The following SART3 variants were observed in gnomAD, a reference collection of about 807,000 sequenced individuals.
The protein encoded by SART3 is spliceosome associated factor 3, U4/U6 recycling protein.
A neutral mutation model predicts 122.3 loss-of-function variants in SART3; 44 were observed. That is an observed-to-expected ratio of 0.36 (90% CI 0.28 to 0.46). The LOEUF (loss-of-function observed/expected upper bound fraction) is 0.46, where lower values mean the gene tolerates loss of function less well. SART3 is among the 20% of genes least tolerant of loss of function. SART3 has a pLI of 1.00. For synonymous variants in SART3, 442 were observed against 454.0 expected (o/e 0.97, Z 0.34); for missense variants, 1,101 against 1,229.0 (o/e 0.90, Z 1.56).
chr12:108,560,384 T>TCAC (rs1490361526), intron 1 of SART3: 1 of 215,408 alleles, frequency 4.6e-6, no homozygotes, highest in African/African-American at 2.3e-5. Flanking sequence ...ATTTCTATTA[T>TCAC]CACCATCGCG....
intron 1 of SART3, among the ~76,000 whole-genome samples, chr12:108,552,192 C>A (rs184223915): frequency 6.6e-6 from 1 of 152,174 alleles, no homozygotes; most frequent in East Asian, 1.9e-4. Context: ...GGGAAACAAC[C>A]TCAACCTGAT....
At chr12:108,560,672 G>A (rs2030481106) in intron 1 of SART3, 171 bp downstream of exon 1, 1 of 571,890 alleles carries the variant, frequency 1.7e-6, no homozygotes, top group Non-Finnish European at 3.1e-6. Context: ...ACGTTTGCAA[G>A]GCAATGGGCA....
intron 12 of SART3, among the ~76,000 whole-genome samples, chr12:108,534,745 CAG>C (rs1394704705): frequency 6.6e-6 from 1 of 152,138 alleles, no homozygotes; most frequent in Admixed American, 6.5e-5. Context: ...TTTGGGCACA[CAG>C]TGTTTTTTAA....
chr12:108,535,336 C>G (rs1416122202), intron 12 of SART3, 23 bp downstream of exon 12: 2 of 1,594,568 alleles, frequency 1.3e-6, no homozygotes, highest in Non-Finnish European at 1.7e-6. Context: ...CACTGCCTCC[C>G]TCCCCACCCC....
intron 1 of SART3, among the ~76,000 whole-genome samples, chr12:108,555,908 G>A (rs1484304646): frequency 6.6e-6 from 1 of 152,202 alleles, no homozygotes; most frequent in African/African-American, 2.4e-5. Context: ...TGTCTTACCA[G>A]ATAGCAAGCC....
chr12:108,523,242 G>A lies in SART3; in HGVS notation c.*215C>T. The A allele has an allele frequency of 1.6e-6, 1 of 611,880 alleles. No homozygotes were observed. The highest frequency in any genetic ancestry group is 1.9e-5 in the South Asian group (1 of 52,262). The allele number at this position is 611,880 out of a possible 1,614,324, so 37.9% of individuals were successfully genotyped here. ...CACCACATCCTGGGCCCAGCCTGCAGAGTGGTCACTTTTCTGCCACTGCCC... is the reference window on the plus strand; with the variant it reads ...CACCACATCCTGGGCCCAGCCTGCAAAGTGGTCACTTTTCTGCCACTGCCC... On this transcript the variant is annotated 3_prime_UTR_variant, in exon 19 of 19. Coordinates refer to ENST00000546815, the MANE Select transcript of SART3 (RefSeq NM_014706.4).
At chr12:108,547,304 T>G (rs1873470852) in intron 3 of SART3, among the ~76,000 whole-genome samples, 1 of 152,248 alleles carries the variant, frequency 6.6e-6, no homozygotes, top group Non-Finnish European at 1.5e-5. Context: ...GAGGGAGGTC[T>G]CTGTGGGGAC....
Position 108,541,328 on chromosome 12 carries a change from A to T in SART3, c.906+1700T>A, listed in dbSNP as rs1873147197. Among the ~76,000 whole-genome samples the T allele has an allele frequency of 2.6e-5, 4 of 151,720 alleles. No individual in the cohort carries two copies. The South Asian group carries it at 8.4e-4, about 32-fold the overall frequency. ...AGGCTGAGGCAGGAGAATCGCTTGAACCTGGCGGGGCGGAAGTTGCAGTGA... is the reference window on the plus strand; with the variant it reads ...AGGCTGAGGCAGGAGAATCGCTTGATCCTGGCGGGGCGGAAGTTGCAGTGA... On this transcript the variant is annotated intron_variant, in intron 6 of 18. Transcript: ENST00000546815.
At chr12:108,548,774 C>T (rs4964265) in intron 2 of SART3, among the ~76,000 whole-genome samples, 112,812 of 152,142 alleles carry the variant, frequency 0.74, 43,707 homozygotes, top group East Asian at 0.92. Context: ...TTTCTGGTTT[C>T]AAGAGAATGG....
intron 18 of SART3, 112 bp downstream of exon 18, chr12:108,524,203 TG>T (rs1872260229): frequency 2.1e-6 from 2 of 935,924 alleles, no homozygotes; most frequent in Non-Finnish European, 3.5e-6. Context: ...CAGCACATCT[TG>T]GCTTTTCTGT....
Position 108,530,320 on chromosome 12 carries a change from TG to T in SART3, c.1747-11del, listed in dbSNP as rs764553585. 62 of 1,613,706 alleles carry T rather than the reference TG, an allele frequency of 3.8e-5. No homozygotes were observed. Among genetic ancestry groups the T allele is most frequent in the Admixed American group, 2.8e-4 (17 of 59,994 alleles). On this transcript the variant is annotated splice_polypyrimidine_tract_variant and intron_variant, in intron 14 of 18. Transcript: ENST00000546815. Reference sequence around the variant, plus strand: ...CTTCCTTCTCTGCAGCCTAGAAAAGTGGGAAGATGATGCATCGCTGGATGTG... The same window carrying T: ...CTTCCTTCTCTGCAGCCTAGAAAAGTGGAAGATGATGCATCGCTGGATGTG...
chr12:108,527,418 C>T (rs914437997), intron 15 of SART3, among the ~76,000 whole-genome samples: 29 of 152,228 alleles, frequency 1.9e-4, no homozygotes, highest in Admixed American at 1.8e-3. Context: ...TCGGTCTTCC[C>T]CCTGGATGCC....
At chr12:108,540,691 G>T (rs1444734932) in intron 6 of SART3, among the ~76,000 whole-genome samples, 3 of 148,476 alleles carry the variant, frequency 2.0e-5, no homozygotes, top group African/African-American at 7.4e-5. Flanking sequence ...AAGGTGGATG[G>T]GACTCACCCT....
chr12:108,536,463 T>C (rs1209520946), intron 11 of SART3, 51 bp downstream of exon 11: 1 of 1,543,430 alleles, frequency 6.5e-7, no homozygotes, highest in East Asian at 2.2e-5. Flanking sequence ...TTTAATAGGA[T>C]GCTATTAAAC....
At position 108,538,973 on chromosome 12, in the gene SART3, G is replaced by A. The variant is rs1213296925; in HGVS notation, c.1023C>T (p.Cys341=). 1 of 1,614,150 alleles carries A rather than the reference G, an allele frequency of 6.2e-7. No individual in the cohort carries two copies. Among genetic ancestry groups the A allele is most frequent in the Non-Finnish European group, 8.5e-7 (1 of 1,180,018 alleles). Residue 341 remains cysteine, a synonymous_variant, in exon 7 of 19, where the codon TGC becomes TGT. Transcript: ENST00000546815. ...LIFERALVEN[C]LVPDLWIRYS... is the part of the protein sequence containing the mutation. ...AACGGATCCATAAGTCTGGGACAAGGCAGTTCTCGACCAGGGCGCGCTCAA... is the reference window on the plus strand; with the variant it reads ...AACGGATCCATAAGTCTGGGACAAGACAGTTCTCGACCAGGGCGCGCTCAA...
chr12:108,537,553 G>A lies in SART3; in HGVS notation c.1244C>T (p.Thr415Ile). 6.2e-7 allele frequency: 1 copy of A among 1,614,132 alleles called. No homozygotes were observed. The highest frequency in any genetic ancestry group is 8.5e-7 in the Non-Finnish European group (1 of 1,179,984). Residue 415 changes from threonine to isoleucine, a missense_variant, in exon 9 of 19, where the codon ACT becomes ATT. By Grantham distance (89) the Thr-to-Ile change is moderately conservative (BLOSUM62 -1). This residue lies in a region of SART3 where 885 missense variants were observed against 1,080.1 expected (regional missense o/e 0.82). Coordinates refer to ENST00000546815, the MANE Select transcript of SART3 (RefSeq NM_014706.4). ...KALNAGFIQA[T>I]DYVEIWQAYL... ...TGCCTGCCAAATCTCCACATAATCA[G>A]TGGCCTGGATGAAGCCGGCATTCAA...
chr12:108,526,822 C>A (rs1367803040), intron 15 of SART3, among the ~76,000 whole-genome samples: 1 of 152,136 alleles, frequency 6.6e-6, no homozygotes, highest in Non-Finnish European at 1.5e-5. Context: ...CTTAATTATA[C>A]AAAAGGTCAG....
chr12:108,524,555 C>G (rs367835916), intron 17 of SART3, 49 bp from the exon 18 acceptor site: 1 of 1,560,092 alleles, frequency 6.4e-7, no homozygotes. Context: ...AGACTAGGGA[C>G]GCAACCTCCT....
chr12:108,545,116 CAG>C, intron 4 of SART3, 21 bp downstream of exon 4: 6 of 1,612,762 alleles, frequency 3.7e-6, no homozygotes, highest in Non-Finnish European at 5.1e-6. Flanking sequence ...CCAACCCGTT[CAG>C]AGACAACCAC....
Sources: gnomAD v4.1 joint callset for allele counts (sites outside exome capture counted in the v4.1 genomes callset) on GRCh38, gnomAD v4.1.1 for gene constraint, gnomAD v4.1.1 regional missense constraint, MANE v1.5 for transcripts, NCBI Gene and HGNC (gene_info 2026-07-23, HGNC 2026-07-21) for gene names.